Variants in PREPL observed in about 807,000 individuals in gnomAD.
PREPL encodes the protein prolyl endopeptidase-like.
Under a neutral mutation model 70.6 loss-of-function variants are expected in PREPL, and 77 were observed. That is an observed-to-expected ratio of 1.09 (90% CI 0.91 to 1.32). The LOEUF is 1.32. Among genes scored for constraint, PREPL ranks in the 40% most tolerant of loss-of-function variants. The pLI is 0.00. For synonymous variants in PREPL, 315 were observed against 264.8 expected (o/e 1.19, Z -1.84); for missense variants, 1,002 against 778.2 (o/e 1.29, Z -3.42).
chr2:44,326,650 A>G (rs1673528175), intron 10 of PREPL, 62 bp downstream of exon 10: 1 of 1,526,532 alleles, frequency 6.6e-7, no homozygotes, highest in South Asian at 1.1e-5. Context: ...CATTTTTCTT[A>G]GAGTAGCCTA....
chr2:44,354,056 T>C (rs1432338893), intron 1 of PREPL, among the ~76,000 whole-genome samples: 1 of 151,948 alleles, frequency 6.6e-6, no homozygotes, highest in Non-Finnish European at 1.5e-5. Context: ...ACTTGCAAGG[T>C]AAGGCAGGAA....
rs777481235 is a variant in PREPL at position 44,342,556 on chromosome 2, A to T, written c.350-4T>A. 3.3e-6 allele frequency: 5 copies of T among 1,505,110 alleles called. No individual in the cohort carries two copies. In the African/African-American group the frequency reaches 8.9e-5, roughly 27 times the overall value. The allele number at this position is 1,505,110 out of a possible 1,614,324, so 93.2% of individuals were successfully genotyped here. ...TCTTCCTCGTCCTTTACCCATTCTGAAAGAAAATAATGAGATAATTATACA... is the reference window on the plus strand; with the variant it reads ...TCTTCCTCGTCCTTTACCCATTCTGTAAGAAAATAATGAGATAATTATACA... On this transcript the variant is annotated splice_polypyrimidine_tract_variant and splice_region_variant and intron_variant, in intron 4 of 13. Coordinates refer to ENST00000409411, the MANE Select transcript of PREPL (RefSeq NM_001171613.2).
rs1053354307 is a variant in PREPL at position 44,319,510 on chromosome 2, T to A, written c.*1846A>T. On this transcript the variant is annotated 3_prime_UTR_variant, in exon 14 of 14. Coordinates refer to ENST00000409411, the MANE Select transcript of PREPL (RefSeq NM_001171613.2). ...ATTAAAAACATTTATGGAGGCTATA[T>A]TATATAGTCAATAACAGAAAATGCT... 6.6e-5 allele frequency: 10 copies of A among 152,276 alleles called. No homozygotes were observed. The highest frequency in any genetic ancestry group is 1.3e-4 in the Non-Finnish European group (9 of 68,112). The allele number at this position is 152,276 out of a possible 1,614,324, so 9.4% of individuals were successfully genotyped here.
Position 44,342,484 on chromosome 2 carries a change from C to A in PREPL, c.418G>T (p.Asp140Tyr). The A allele has an allele frequency of 6.2e-7, 1 of 1,612,948 alleles. No homozygotes were observed. Residue 140 changes from aspartate (D) to tyrosine (Y), a missense_variant, in exon 5 of 14, where the codon GAC becomes TAC. By Grantham distance (160) the Asp-to-Tyr change is radical. Transcript: ENST00000409411. ...TCACCAAAAGTGGCTCGATATACGT[C>A]ATGACAGCGAAGGTTCCTCTGGAAG... ...YTFQRNLRCH[D>Y]VYRATFGDNK...
chr2:44,355,421 T>A (rs1238330646), intron 1 of PREPL, among the ~76,000 whole-genome samples: 1 of 152,180 alleles, frequency 6.6e-6, no homozygotes, highest in East Asian at 1.9e-4. Flanking sequence ...TGGTGGCACA[T>A]GCCTGTAATT....
Position 44,318,316 on chromosome 2 carries a change from T to G in PREPL, c.*3040A>C, listed in dbSNP as rs779685394. On this transcript the variant is annotated 3_prime_UTR_variant, in exon 14 of 14. Transcript: ENST00000409411. The stretch of plus-strand genomic sequence containing the variant: ...CATGTTGGCCAGGCTGGTCTTGAAC[T>G]CCTGACCTCTGGTGATCTGTCTGCC... The G allele has an allele frequency of 8.9e-6, 2 of 225,396 alleles. No homozygotes were observed. The highest frequency in any genetic ancestry group is 1.8e-5 in the Non-Finnish European group (2 of 108,766). 14.0% of individuals were successfully genotyped at this position (225,396 alleles called of 1,614,324 possible). A position where few individuals can be genotyped will look rare whatever the true frequency, so the allele number is the denominator to read the frequency against.
At chr2:44,338,664 GC>G (rs1674891583) in intron 6 of PREPL, 128 bp from the exon 7 acceptor site, 1 of 756,840 alleles carries the variant, frequency 1.3e-6, no homozygotes, top group Non-Finnish European at 2.1e-6. Context: ...AGGAACTAAC[GC>G]TGCATCAGGG....
rs752887453 is a variant in PREPL at position 44,343,888 on chromosome 2, A to G, written c.206T>C (p.Ile69Thr). ...LEELKLDQPF[I>T]DCIRVAPDEK... ...ATCTGGAGCAACTCTGATACAATCA[A>G]TGAAGGGCTGGTCTAACTTAAGTTC... Residue 69 changes from isoleucine to threonine, a missense_variant, in exon 4 of 14, where the codon ATT becomes ACT. Coordinates refer to ENST00000409411, the MANE Select transcript of PREPL (RefSeq NM_001171613.2). 1.2e-5 allele frequency: 19 copies of G among 1,614,012 alleles called. No individual in the cohort carries two copies. In the Admixed American group the frequency reaches 1.8e-4, roughly 16 times the overall value.
chr2:44,352,217 G>A (rs777131035), intron 1 of PREPL, among the ~76,000 whole-genome samples: 6 of 151,498 alleles, frequency 4.0e-5, no homozygotes, highest in Middle Eastern at 3.4e-3. Flanking sequence ...TTTCTTCTTC[G>A]CCATAACTAT....
intron 1 of PREPL, among the ~76,000 whole-genome samples, chr2:44,356,062 T>A (rs1473702794): frequency 2.0e-5 from 3 of 152,138 alleles, no homozygotes; most frequent in Non-Finnish European, 2.9e-5. Flanking sequence ...TAGAGTAAGT[T>A]CATCTTGCCA....
At position 44,361,420 on chromosome 2, in the gene PREPL, T is replaced by G. The variant is rs1173733740; in HGVS notation, c.-89A>C. 2.0e-5 allele frequency: 3 copies of G among 152,288 alleles called. No individual in the cohort carries two copies. Among genetic ancestry groups the G allele is most frequent in the African/African-American group, 7.2e-5 (3 of 41,412 alleles). The allele number at this position is 152,288 out of a possible 1,614,324, so 9.4% of individuals were successfully genotyped here. A position where few individuals can be genotyped will look rare whatever the true frequency, so the allele number is the denominator to read the frequency against. On this transcript the variant is annotated 5_prime_UTR_variant, in exon 1 of 14. Coordinates refer to ENST00000409411, the MANE Select transcript of PREPL (RefSeq NM_001171613.2). ...CAGTCCGGCTCTGGACACAAACCAG[T>G]GAAGGCAGGCCGGAGAACCTGAAGC...
rs576154807 is a variant in PREPL at position 44,339,268 on chromosome 2, A to G, written c.581T>C (p.Leu194Pro). ...AAGTACTGGTGGGTCCCAAGGGCTC[A>G]GGCCATCTATCAACCACACTTCAGA... Reference protein sequence around the residue: ...TTSEVWLIDGLSPWDPPVLIQ... With the variant: ...TTSEVWLIDGPSPWDPPVLIQ... The change falls in exon 6 of 14, where the codon CTG becomes CCG. Residue 194 changes from leucine to proline, a missense_variant. Physicochemically the swap from Leu to Pro is moderately conservative, Grantham distance 98. Coordinates refer to ENST00000409411, the MANE Select transcript of PREPL (RefSeq NM_001171613.2). 1.2e-6 allele frequency: 2 copies of G among 1,614,158 alleles called. No homozygotes were observed. Among genetic ancestry groups the G allele is most frequent in the East Asian group, 2.2e-5 (1 of 44,882 alleles).
intron 9 of PREPL, among the ~76,000 whole-genome samples, chr2:44,328,364 G>A (rs1485004943): frequency 1.3e-5 from 2 of 148,662 alleles, no homozygotes; most frequent in Non-Finnish European, 3.0e-5. Context: ...TTGAACCTGG[G>A]AGGCAGAGGT....
chr2:44,351,178 A>G (rs1412814043), intron 1 of PREPL, among the ~76,000 whole-genome samples: 2 of 147,556 alleles, frequency 1.4e-5, no homozygotes, highest in South Asian at 2.1e-4. Context: ...CAGGTGAACC[A>G]CCCGCCTCAG....
intron 2 of PREPL, among the ~76,000 whole-genome samples, 178 bp downstream of exon 2, chr2:44,346,090 G>T (rs1198445957): frequency 6.6e-6 from 1 of 152,058 alleles, no homozygotes; most frequent in African/African-American, 2.4e-5. Flanking sequence ...AGATGTAAAG[G>T]ATCACATTCT....
intron 8 of PREPL, 113 bp from the exon 9 acceptor site, chr2:44,329,225 T>A (rs768744183): frequency 3.0e-5 from 24 of 804,214 alleles, no homozygotes; most frequent in Non-Finnish European, 4.2e-5. Context: ...TACCTACTGA[T>A]GTTGAGCACA....
At chr2:44,360,782 C>T (rs1047799411) in intron 1 of PREPL, 4 of 152,240 alleles carry the variant, frequency 2.6e-5, no homozygotes, top group African/African-American at 9.7e-5. Context: ...ATAGTGACCA[C>T]TCAATAAATG....
At chr2:44,354,864 G>A (rs547843233) in intron 1 of PREPL, among the ~76,000 whole-genome samples, 22 of 152,186 alleles carry the variant, frequency 1.4e-4, no homozygotes, top group African/African-American at 4.8e-4. Flanking sequence ...GGCGTGAGGC[G>A]CCACGCCCGG....
In PREPL at chr2:44,343,842, C is replaced by T. The variant is rs1675487380; in HGVS notation, c.252G>A (p.Lys84=). 1.2e-6 allele frequency: 2 copies of T among 1,613,796 alleles called. No individual in the cohort carries two copies. Among genetic ancestry groups the T allele is most frequent in the African/African-American group, 2.7e-5 (2 of 74,906 alleles). ...VAPDEKYVAA[K]IRTEDSEAST... Reference sequence around the variant, plus strand: ...ATGCTTCAGAATCTTCAGTTCTTATCTTGGCAGCCACATATTTTTCATCTG... The same window carrying T: ...ATGCTTCAGAATCTTCAGTTCTTATTTTGGCAGCCACATATTTTTCATCTG... The change falls in exon 4 of 14, where the codon AAG becomes AAA. Residue 84 remains lysine (K), a synonymous_variant. Transcript: ENST00000409411.
Sources: allele counts gnomAD v4.1 joint callset (sites outside exome capture counted in the v4.1 genomes callset), GRCh38; gene constraint gnomAD v4.1.1; transcripts MANE v1.5; gene names NCBI Gene and HGNC (gene_info 2026-07-23, HGNC 2026-07-21).